DPYD: variants seen among roughly 807,000 people sequenced by gnomAD.
DPYD encodes dihydropyrimidine dehydrogenase.
In DPYD, 109 loss-of-function variants were observed where a neutral mutation model predicts 116.2. That is an observed-to-expected ratio of 0.94 (90% CI 0.80 to 1.10). DPYD has a LOEUF of 1.10. DPYD is among the 50% of genes least tolerant of loss of function. The pLI, the probability that DPYD is intolerant of heterozygous loss-of-function variation, is 0.00. For missense variants in DPYD, 1,302 were observed against 1,254.5 expected (o/e 1.04, Z -0.57); for synonymous variants, 440 against 432.0 (o/e 1.02, Z -0.23).
chr1:97,428,426 T>G (rs947438850), intron 14 of DPYD, among the ~76,000 whole-genome samples: 2 of 152,070 alleles, frequency 1.3e-5, no homozygotes, highest in Admixed American at 1.3e-4. Context: ...TTTTAAAAAT[T>G]TAGTGCCCAG....
intron 14 of DPYD, among the ~76,000 whole-genome samples, chr1:97,385,572 C>T (rs780448026): frequency 4.0e-5 from 6 of 150,658 alleles, no homozygotes; most frequent in Middle Eastern, 6.8e-3. Flanking sequence ...AACCACAAAA[C>T]CCCCACCTCC....
chr1:97,673,178 G>C (rs773045985), intron 8 of DPYD, among the ~76,000 whole-genome samples: 2 of 151,140 alleles, frequency 1.3e-5, no homozygotes, highest in Non-Finnish European at 3.0e-5. Flanking sequence ...TGTTACCTTT[G>C]ATAGTCTTAA....
chr1:97,815,616 G>C (rs979136867), intron 3 of DPYD, among the ~76,000 whole-genome samples: 6 of 152,204 alleles, frequency 3.9e-5, no homozygotes, highest in African/African-American at 1.4e-4. Context: ...TCCAGGTGGA[G>C]TGGATTAAGG....
intron 13 of DPYD, among the ~76,000 whole-genome samples, chr1:97,490,713 C>G (rs1678926605): frequency 6.6e-6 from 1 of 151,050 alleles, no homozygotes; most frequent in Admixed American, 6.6e-5. Context: ...GTGGACAAGT[C>G]TACTGCCAAC....
chr1:97,272,270 C>T (rs1664632164), intron 18 of DPYD, among the ~76,000 whole-genome samples: 1 of 152,238 alleles, frequency 6.6e-6, no homozygotes, highest in South Asian at 2.1e-4. Flanking sequence ...TCAGAATGGG[C>T]TACATTTAGC....
At chr1:97,428,769 CTTAAG>C (rs1301776363) in intron 14 of DPYD, among the ~76,000 whole-genome samples, 3 of 79,176 alleles carry the variant, frequency 3.8e-5, no homozygotes, top group African/African-American at 1.2e-4. Context: ...TCAGCAAGTC[CTTAAG>C]TTTTCTTTTT....
intron 7 of DPYD, among the ~76,000 whole-genome samples, chr1:97,682,329 T>C (rs1428195141): frequency 6.6e-6 from 1 of 151,816 alleles, no homozygotes; most frequent in African/African-American, 2.4e-5. Context: ...AGATGGAGGA[T>C]GGTCATCACT....
intron 13 of DPYD, among the ~76,000 whole-genome samples, chr1:97,486,413 T>A (rs4949955): frequency 0.38 from 57,098 of 151,980 alleles, 10,993 homozygotes; most frequent in South Asian, 0.51. Context: ...TCCAAAACTT[T>A]ATGACAGATC....
intron 1 of DPYD, among the ~76,000 whole-genome samples, chr1:97,909,803 C>G (rs967329636): frequency 1.3e-5 from 2 of 152,054 alleles, no homozygotes; most frequent in African/African-American, 4.8e-5. Flanking sequence ...TCAATAATTC[C>G]TCAATTTCTA....
chr1:97,740,693 A>G lies in DPYD; in HGVS notation c.234-214T>C, dbSNP rs56156749. ...ATAAATGAGAATCATGCTGGCTAGT[A>G]ACTGTCCCTCCTCTCAGAGTTCCTT... On this transcript the variant is annotated intron_variant, in intron 3 of 22. Coordinates refer to ENST00000370192, the MANE Select transcript of DPYD (RefSeq NM_000110.4). 4.2e-3 allele frequency among the ~76,000 whole-genome samples: 635 copies of G among 152,260 alleles called. 4 individuals carry two copies. The highest frequency in any genetic ancestry group is 6.2e-3 in the Non-Finnish European group (424 of 68,016).
At chr1:97,153,448 G>A (rs1187606111) in intron 20 of DPYD, among the ~76,000 whole-genome samples, 1 of 152,084 alleles carries the variant, frequency 6.6e-6, no homozygotes, top group African/African-American at 2.4e-5. Context: ...CAAGCCACAT[G>A]TAGAAGAAGG....
chr1:97,747,676 A>G (rs148912643), intron 3 of DPYD, among the ~76,000 whole-genome samples: 196 of 152,318 alleles, frequency 1.3e-3, no homozygotes, highest in African/African-American at 4.4e-3. Flanking sequence ...ATATGCATGG[A>G]CCCAGACTTT....
chr1:97,229,220 G>GAA (rs1333834545), intron 19 of DPYD, among the ~76,000 whole-genome samples: 2 of 82,450 alleles, frequency 2.4e-5, no homozygotes, highest in African/African-American at 4.9e-5. Flanking sequence ...AAAAAAAAAA[G>GAA]AAAAAAAAAA....
intron 2 of DPYD, among the ~76,000 whole-genome samples, chr1:97,852,362 T>C (rs1670616875): frequency 1.3e-5 from 2 of 152,122 alleles, no homozygotes; most frequent in African/African-American, 4.8e-5. Context: ...TAGTATATAT[T>C]ACTTTCATCC....
intron 2 of DPYD, among the ~76,000 whole-genome samples, chr1:97,842,326 A>C (rs746479624): frequency 6.6e-6 from 1 of 152,016 alleles, no homozygotes; most frequent in African/African-American, 2.4e-5. Context: ...TAGAATAACA[A>C]GTATAATAAA....
chr1:97,551,964 T>C (rs554518791), intron 11 of DPYD, among the ~76,000 whole-genome samples: 18 of 152,188 alleles, frequency 1.2e-4, no homozygotes, highest in Admixed American at 2.0e-4. Flanking sequence ...ATTTAAAGTA[T>C]ATGGAAGGAT....
intron 18 of DPYD, among the ~76,000 whole-genome samples, chr1:97,301,589 T>C (rs1381119259): frequency 2.0e-5 from 3 of 151,700 alleles, no homozygotes; most frequent in East Asian, 1.9e-4. Context: ...TCCCCATTAA[T>C]AAAAAAAAGT....
At chr1:97,665,496 A>G (rs999943796) in intron 8 of DPYD, among the ~76,000 whole-genome samples, 1 of 152,196 alleles carries the variant, frequency 6.6e-6, no homozygotes, top group Non-Finnish European at 1.5e-5. Context: ...GGAATAAAAA[A>G]TTGAATTAGT....
At chr1:97,602,775 A>G (rs1041466902) in intron 8 of DPYD, among the ~76,000 whole-genome samples, 3 of 151,926 alleles carry the variant, frequency 2.0e-5, no homozygotes, top group African/African-American at 7.2e-5. Context: ...GAGAACAACA[A>G]ACCCTTTGGA....
Sources: allele counts gnomAD v4.1 joint callset (sites outside exome capture counted in the v4.1 genomes callset), GRCh38; gene constraint gnomAD v4.1.1; transcripts MANE v1.5; gene names NCBI Gene and HGNC (gene_info 2026-07-23, HGNC 2026-07-21).